FMN1: variants seen among roughly 807,000 people sequenced by gnomAD.
The protein encoded by FMN1 is formin-1.
In FMN1, 110 loss-of-function variants were observed where a neutral mutation model predicts 132.4. The observed-to-expected ratio is 0.83, with a 90% confidence interval of 0.71 to 0.97. FMN1 has a LOEUF of 0.97. Ranked by LOEUF, FMN1 falls within the 50% of genes least tolerant of loss-of-function variation. The pLI, the probability that FMN1 is intolerant of heterozygous loss-of-function variation, is 0.00. For synonymous variants in FMN1, 722 were observed against 651.7 expected (o/e 1.11, Z -1.64); for missense variants, 1,792 against 1,705.3 (o/e 1.05, Z -0.90).
At chr15:32,933,932 G>A (rs2061189920) in intron 9 of FMN1, among the ~76,000 whole-genome samples, 1 of 151,752 alleles carries the variant, frequency 6.6e-6, no homozygotes, top group South Asian at 2.1e-4. Flanking sequence ...TATCCATTTA[G>A]CAATTTTATG....
chr15:32,808,258 G>C (rs1249008382), intron 17 of FMN1, among the ~76,000 whole-genome samples: 1 of 152,202 alleles, frequency 6.6e-6, no homozygotes, highest in East Asian at 1.9e-4. Flanking sequence ...ATGCAAATCA[G>C]AACTCATGAT....
intron 4 of FMN1, among the ~76,000 whole-genome samples, chr15:33,124,405 A>G (rs3861198): frequency 6.6e-6 from 1 of 152,036 alleles, no homozygotes; most frequent in Non-Finnish European, 1.5e-5. Context: ...CCCCCTTGCC[A>G]TTTTGTGCCT....
chr15:32,825,117 C>T (rs1323148916), intron 17 of FMN1, among the ~76,000 whole-genome samples: 1 of 152,242 alleles, frequency 6.6e-6, no homozygotes, highest in Admixed American at 6.5e-5. Flanking sequence ...TTTTCCATCT[C>T]AATTTCCACC....
chr15:33,047,711 T>G (rs2036753842), intron 6 of FMN1, among the ~76,000 whole-genome samples: 1 of 152,212 alleles, frequency 6.6e-6, no homozygotes, highest in Middle Eastern at 3.2e-3. Flanking sequence ...ATGGGCTGAC[T>G]CCCTCTTTTT....
chr15:33,025,753 C>T (rs1281386577), intron 6 of FMN1, among the ~76,000 whole-genome samples: 1 of 152,042 alleles, frequency 6.6e-6, no homozygotes, highest in African/African-American at 2.4e-5. Context: ...TACAGAATGA[C>T]ACAGATAAGG....
At chr15:33,020,337 C>A (rs1454555288) in intron 6 of FMN1, among the ~76,000 whole-genome samples, 6 of 152,148 alleles carry the variant, frequency 3.9e-5, no homozygotes, top group East Asian at 3.9e-4. Flanking sequence ...CCAACCCCCC[C>A]ACCAGATTCG....
At chr15:32,795,271 G>A (rs11634255) in intron 19 of FMN1, among the ~76,000 whole-genome samples, 90,597 of 151,900 alleles carry the variant, frequency 0.6, 27,808 homozygotes, top group African/African-American at 0.74. Flanking sequence ...GATGTTTACC[G>A]ATTTCAAGAG....
intron 6 of FMN1, among the ~76,000 whole-genome samples, chr15:33,016,536 T>C (rs989630830): frequency 6.6e-6 from 1 of 152,004 alleles, no homozygotes; most frequent in Non-Finnish European, 1.5e-5. Context: ...ACAGTGGAGG[T>C]AGATTCAAAG....
intron 6 of FMN1, among the ~76,000 whole-genome samples, chr15:33,051,785 G>A (rs906306012): frequency 1.3e-5 from 2 of 152,152 alleles, no homozygotes; most frequent in African/African-American, 4.8e-5. Context: ...CACTGCACAT[G>A]CTGATAGCCC....
intron 15 of FMN1, among the ~76,000 whole-genome samples, chr15:32,889,700 C>A (rs1450933456): frequency 6.8e-6 from 1 of 147,708 alleles, no homozygotes; most frequent in African/African-American, 2.5e-5. Flanking sequence ...TTTCCCCTAA[C>A]CTCCAGCACG....
At chr15:32,819,852 GTTAGT>G (rs891781295) in intron 17 of FMN1, among the ~76,000 whole-genome samples, 6 of 152,106 alleles carry the variant, frequency 3.9e-5, no homozygotes, top group African/African-American at 1.4e-4. Flanking sequence ...TTATTTTATG[GTTAGT>G]TTAATGTCAT....
intron 19 of FMN1, among the ~76,000 whole-genome samples, chr15:32,778,766 A>G (rs953016500): frequency 2.0e-5 from 3 of 152,178 alleles, no homozygotes; most frequent in Non-Finnish European, 4.4e-5. Context: ...CAAAACGTTA[A>G]GCACAGAATT....
chr15:33,122,231 A>C (rs1356744867), intron 4 of FMN1, among the ~76,000 whole-genome samples: 2 of 152,234 alleles, frequency 1.3e-5, no homozygotes, highest in African/African-American at 2.4e-5. Flanking sequence ...AAAAGTGAAT[A>C]AGCTAAGTCT....
At chr15:32,852,902 T>A (rs2059042134) in intron 17 of FMN1, among the ~76,000 whole-genome samples, 1 of 152,214 alleles carries the variant, frequency 6.6e-6, no homozygotes. Flanking sequence ...TTTGGTCTTG[T>A]GTTCTTCTCA....
chr15:32,768,601 G>T lies in FMN1; in HGVS notation c.*5709C>A, dbSNP rs1595873767. On this transcript the variant is annotated 3_prime_UTR_variant, in exon 21 of 21. Coordinates refer to ENST00000616417, the MANE Select transcript of FMN1 (RefSeq NM_001277313.2). ...TATGTGAGAGCTATAGTGTGGTAGAGGTTGTTTAATCCATGCCAAATTCTT... is the reference window on the plus strand; with the variant it reads ...TATGTGAGAGCTATAGTGTGGTAGATGTTGTTTAATCCATGCCAAATTCTT... 6.6e-6 allele frequency: 1 copy of T among 152,288 alleles called. No individual in the cohort carries two copies. The highest frequency in any genetic ancestry group is 1.9e-4 in the East Asian group (1 of 5,186). The allele number at this position is 152,288 out of a possible 1,614,324, so 9.4% of individuals were successfully genotyped here.
chr15:32,884,288 C>T (rs1218284526), intron 16 of FMN1, among the ~76,000 whole-genome samples: 1 of 152,160 alleles, frequency 6.6e-6, no homozygotes, highest in Non-Finnish European at 1.5e-5. Flanking sequence ...TAGGGAGAAT[C>T]TGTTCCTTGC....
intron 9 of FMN1, among the ~76,000 whole-genome samples, chr15:32,934,543 T>TAA (rs1204521378): frequency 6.6e-6 from 1 of 152,088 alleles, no homozygotes; most frequent in African/African-American, 2.4e-5. Context: ...ACCCTACACT[T>TAA]TTATTTATCT....
intron 6 of FMN1, among the ~76,000 whole-genome samples, chr15:33,058,659 GT>G (rs1479133463): frequency 6.6e-6 from 1 of 152,166 alleles, no homozygotes; most frequent in Non-Finnish European, 1.5e-5. Flanking sequence ...AACCAAGTGA[GT>G]TTTTGCAGAT....
intron 5 of FMN1, among the ~76,000 whole-genome samples, chr15:33,070,411 T>G (rs1235316918): frequency 6.8e-6 from 1 of 146,880 alleles, no homozygotes; most frequent in Non-Finnish European, 1.5e-5. Context: ...TTTTATGAAC[T>G]GAAAAGACTC....
Sources: allele counts gnomAD v4.1 joint callset (sites outside exome capture counted in the v4.1 genomes callset), GRCh38; gene constraint gnomAD v4.1.1; transcripts MANE v1.5; gene names NCBI Gene and HGNC (gene_info 2026-07-23, HGNC 2026-07-21).